Variants in ACLY observed in about 807,000 individuals in gnomAD.
ACLY encodes the protein ATP citrate lyase.
Under a neutral mutation model 133.0 loss-of-function variants are expected in ACLY, and 41 were observed. The observed-to-expected ratio is 0.31, with a 90% confidence interval of 0.24 to 0.40. The LOEUF is 0.40. Among genes scored for constraint, ACLY ranks in the 10% least tolerant of loss-of-function variants. The pLI is 1.00. For missense variants in ACLY, 1,046 were observed against 1,453.8 expected (o/e 0.72, Z 4.56); for synonymous variants, 495 against 549.3 (o/e 0.90, Z 1.38).
chr17:41,897,395 G>A (rs2049400333), intron 13 of ACLY, among the ~76,000 whole-genome samples: 1 of 152,044 alleles, frequency 6.6e-6, no homozygotes. Flanking sequence ...CCCGGTGTCT[G>A]CCCTCCACTC....
In ACLY at chr17:41,886,244, A is replaced by G. The variant is rs781808841; in HGVS notation, c.1940T>C (p.Leu647Pro). The G allele has an allele frequency of 6.2e-7, 1 of 1,614,172 alleles. No individual in the cohort carries two copies. The highest frequency in any genetic ancestry group is 8.5e-7 in the Non-Finnish European group (1 of 1,179,988). The part of the protein sequence containing the change: ...GNTGGMLDNI[L>P]ASKLYRPGSV... ...GCCTGGGCGGTACAGTTTGGAGGCC[A>G]GGATGTTGTCCAGCATCCCACCTGT... is the stretch of plus-strand genomic sequence containing the variant. Residue 647 changes from leucine to proline, a missense_variant, in exon 18 of 29, where the codon CTG becomes CCG. Leu to Pro is a moderately conservative substitution (Grantham distance 98). Coordinates refer to ENST00000352035, the MANE Select transcript of ACLY (RefSeq NM_001096.3).
At chr17:41,909,101 C>T (rs564652021) in intron 5 of ACLY, 33 bp from the exon 6 acceptor site, 6 of 1,565,510 alleles carry the variant, frequency 3.8e-6, no homozygotes, top group East Asian at 4.5e-5. Flanking sequence ...GACAGTTCAT[C>T]CATCAGGGAG....
In ACLY at chr17:41,884,256, G is replaced by A. The variant is rs1555627812; in HGVS notation, c.2091C>T (p.Phe697=). ...IGGDRYPGST[F]MDHVLRYQDT... Reference sequence around the variant, plus strand: ...CCTGATAGCGTAACACATGATCCATGAATGTGGAGCCCGGGTACCTGTTGA... The same window carrying A: ...CCTGATAGCGTAACACATGATCCATAAATGTGGAGCCCGGGTACCTGTTGA... Residue 697 remains phenylalanine, a synonymous_variant, in exon 19 of 29, where the codon TTC becomes TTT. Coordinates refer to ENST00000352035, the MANE Select transcript of ACLY (RefSeq NM_001096.3). The A allele has an allele frequency of 6.2e-7, 1 of 1,611,550 alleles. No individual in the cohort carries two copies. Among genetic ancestry groups the A allele is most frequent in the South Asian group, 1.1e-5 (1 of 90,998 alleles).
In ACLY at chr17:41,883,183, C is replaced by G. The variant is rs1555627651; in HGVS notation, c.2204G>C (p.Arg735Pro). 1 of 1,613,998 alleles carries G rather than the reference C, an allele frequency of 6.2e-7. No homozygotes were observed. Among genetic ancestry groups the G allele is most frequent in the East Asian group, 2.2e-5 (1 of 44,874 alleles). Reference sequence around the variant, plus strand: ...CCAGCAGACGATGGGCTTAGTGAGGCGGCCCTCCTTGATGCCCCGGCAAAT... The same window carrying G: ...CCAGCAGACGATGGGCTTAGTGAGGGGGCCCTCCTTGATGCCCCGGCAAAT... ...YKICRGIKEG[R>P]LTKPIVCWCI... Residue 735 changes from arginine to proline, a missense_variant, in exon 20 of 29, where the codon CGC becomes CCC. Coordinates refer to ENST00000352035, the MANE Select transcript of ACLY (RefSeq NM_001096.3).
chr17:41,890,969 CAA>C (rs113644053), intron 16 of ACLY, among the ~76,000 whole-genome samples: 4 of 138,308 alleles, frequency 2.9e-5, no homozygotes, highest in African/African-American at 2.6e-5. Flanking sequence ...GGCCCTGTCT[CAA>C]AAAAAAAAAA....
At chr17:41,906,702 A>G in intron 7 of ACLY, 56 bp from the exon 8 acceptor site, 1 of 1,493,680 alleles carries the variant, frequency 6.7e-7, no homozygotes, top group African/African-American at 1.4e-5. Context: ...ACCAGGTCCC[A>G]GATCCTAGGA....
rs782092512 is a variant in ACLY at position 41,886,249 on chromosome 17, G to A, written c.1935C>T (p.Asn645=). 9 of 1,614,014 alleles carry A rather than the reference G, an allele frequency of 5.6e-6. No homozygotes were observed. The East Asian group carries it at 6.7e-5, about 12-fold the overall frequency. ...KIGNTGGMLD[N]ILASKLYRPG... ...GGCGGTACAGTTTGGAGGCCAGGAT[G>A]TTGTCCAGCATCCCACCTGTGTTGC... The change falls in exon 18 of 29, where the codon AAC becomes AAT. Residue 645 remains asparagine (N), a synonymous_variant. Transcript: ENST00000352035.
At chr17:41,929,760 CAA>C (rs2050292988) in intron 1 of ACLY, among the ~76,000 whole-genome samples, 7 of 152,194 alleles carry the variant, frequency 4.6e-5, no homozygotes, top group Admixed American at 4.6e-4. Flanking sequence ...CAGTTTCTCC[CAA>C]TGGTAACATC....
intron 16 of ACLY, 24 bp from the exon 17 acceptor site, chr17:41,887,727 C>T (rs2049093905): frequency 2.5e-6 from 4 of 1,600,046 alleles, no homozygotes; most frequent in Non-Finnish European, 3.4e-6. Context: ...AAAGTCCCTT[C>T]CTGTTAACTC....
intron 3 of ACLY, among the ~76,000 whole-genome samples, chr17:41,911,420 A>T (rs1350320610): frequency 1.3e-5 from 2 of 152,236 alleles, no homozygotes; most frequent in African/African-American, 4.8e-5. Context: ...GGGAATAAGA[A>T]GAAACATAAT....
intron 1 of ACLY, among the ~76,000 whole-genome samples, chr17:41,925,517 G>T (rs1355051488): frequency 6.6e-6 from 1 of 151,748 alleles, no homozygotes; most frequent in East Asian, 1.9e-4. Context: ...AGGCTGAGGT[G>T]GGAGGATTGC....
upstream of ACLY, chr17:41,919,060 T>G (rs782378889): frequency 8.0e-7 from 1 of 1,255,782 alleles, no homozygotes; most frequent in Non-Finnish European, 1.0e-6. Flanking sequence ...ACGCGTTCCC[T>G]AGCCTGAGCG....
chr17:41,885,914 T>C (rs1384286350), intron 18 of ACLY, among the ~76,000 whole-genome samples, 198 bp downstream of exon 18: 4 of 152,238 alleles, frequency 2.6e-5, no homozygotes, highest in Non-Finnish European at 5.9e-5. Context: ...CTGCACATTG[T>C]TGCCCTGTTC....
At chr17:41,922,443 T>G, upstream of ACLY, among the ~76,000 whole-genome samples, 1 of 135,106 alleles carries the variant, frequency 7.4e-6, no homozygotes, top group African/African-American at 2.8e-5. Flanking sequence ...GGTGACAGAG[T>G]GAGACCCTGT....
At chr17:41,905,216 C>T (rs1218774060) in intron 9 of ACLY, among the ~76,000 whole-genome samples, 2 of 152,172 alleles carry the variant, frequency 1.3e-5, no homozygotes, top group African/African-American at 4.8e-5. Flanking sequence ...GAGTTTATCG[C>T]AATCGGATAA....
intron 1 of ACLY, among the ~76,000 whole-genome samples, chr17:41,924,907 AG>A (rs1191254164): frequency 6.6e-6 from 1 of 152,072 alleles, no homozygotes; most frequent in Non-Finnish European, 1.5e-5. Flanking sequence ...CCTCCCCACC[AG>A]GTATGTTCCT....
chr17:41,898,355 C>T (rs1203682600), intron 12 of ACLY, among the ~76,000 whole-genome samples: 14 of 152,268 alleles, frequency 9.2e-5, no homozygotes, highest in South Asian at 4.1e-4. Flanking sequence ...TCAGGTGATC[C>T]GCCAGCCTCG....
In ACLY at chr17:41,893,031, AC is replaced by A. The variant is rs782813736; in HGVS notation, c.1601+1del. On this transcript the variant is annotated splice_donor_variant, in intron 15 of 28. Transcript: ENST00000352035. LOFTEE classifies it high-confidence loss of function. Reference sequence around the variant, plus strand: ...GATATTTCCCGCCATGGGGTAACTCACGTGAAAGGGTAGACCATGGCAGCCA... The same window carrying A: ...GATATTTCCCGCCATGGGGTAACTCAGTGAAAGGGTAGACCATGGCAGCCA... The A allele has an allele frequency of 4.3e-6, 7 of 1,612,388 alleles. No homozygotes were observed. Among genetic ancestry groups the A allele is most frequent in the Non-Finnish European group, 5.9e-6 (7 of 1,179,044 alleles).
chr17:41,910,079 C>G (rs371774120), intron 4 of ACLY, 143 bp downstream of exon 4: 9 of 810,074 alleles, frequency 1.1e-5, no homozygotes, highest in Admixed American at 2.8e-5. Context: ...GAGTCCGCAG[C>G]ACCCTCAGAT....
Sources: allele counts gnomAD v4.1 joint callset (sites outside exome capture counted in the v4.1 genomes callset), GRCh38; gene constraint gnomAD v4.1.1; transcripts MANE v1.5; gene names NCBI Gene and HGNC (gene_info 2026-07-23, HGNC 2026-07-21).